Variants in SNX7 observed in about 807,000 individuals in gnomAD.
SNX7 encodes the protein sorting nexin-7.
A neutral mutation model predicts 48.4 loss-of-function variants in SNX7; 35 were observed. That is an observed-to-expected ratio of 0.72 (90% CI 0.55 to 0.96). SNX7 has a LOEUF of 0.96. SNX7 is among the 40% of genes least tolerant of loss of function. SNX7 has a pLI of 0.00. For synonymous variants in SNX7, 190 were observed against 190.2 expected, an observed-to-expected ratio of 1.00 and a Z score of 0.01; for missense variants, 553 against 548.9, an observed-to-expected ratio of 1.01 and a Z score of -0.07.
At chr1:98,733,377 C>A (rs1653615515) in intron 7 of SNX7, among the ~76,000 whole-genome samples, 2 of 152,120 alleles carry the variant, frequency 1.3e-5, no homozygotes, top group African/African-American at 2.4e-5. Context: ...GGAGTCTGAT[C>A]TTTACCACTG....
rs1462864805 is a variant in SNX7, at chr1:98,691,075, A to G, written c.364A>G (p.Thr122Ala). Residue 122 changes from threonine (T) to alanine (A), a missense_variant and splice_region_variant, in exon 3 of 9, where the codon ACA becomes GCA. By Grantham distance (58) the Thr-to-Ala change is moderately conservative. Transcript: ENST00000306121. ...TGTTATTTTCTCTTACTTTCTTCAG[A>G]CATCTCGTGGGGAATTTGACTCCAG... ...TFITYRIITK[T>A]SRGEFDSSEF... is the part of the protein sequence containing the mutation. 1 of 1,597,454 alleles carries G rather than the reference A, an allele frequency of 6.3e-7. No individual in the cohort carries two copies. The highest frequency in any genetic ancestry group is 8.6e-7 in the Non-Finnish European group (1 of 1,168,832).
intron 1 of SNX7, among the ~76,000 whole-genome samples, chr1:98,682,726 G>C (rs1274430731): frequency 6.6e-6 from 1 of 152,112 alleles, no homozygotes; most frequent in Non-Finnish European, 1.5e-5. Context: ...CTAGTGTTAT[G>C]AAATGTCATG....
At chr1:98,724,446 GTTA>G (rs1653061376) in intron 7 of SNX7, among the ~76,000 whole-genome samples, 1 of 151,636 alleles carries the variant, frequency 6.6e-6, no homozygotes. Flanking sequence ...GTATGAGAAT[GTTA>G]TTATTTGTTA....
intron 8 of SNX7, among the ~76,000 whole-genome samples, chr1:98,741,018 C>T (rs1370592530): frequency 6.6e-6 from 1 of 152,078 alleles, no homozygotes; most frequent in Admixed American, 6.6e-5. Flanking sequence ...GGATTCTTAG[C>T]AGAAAGATTA....
chr1:98,671,428 CAT>C (rs1282646504), intron 1 of SNX7, among the ~76,000 whole-genome samples: 1 of 152,110 alleles, frequency 6.6e-6, no homozygotes, highest in Non-Finnish European at 1.5e-5. Flanking sequence ...TGTGTTAAAA[CAT>C]AGGGTTAAAC....
chr1:98,710,514 A>G (rs1048191585), intron 7 of SNX7, among the ~76,000 whole-genome samples: 1 of 152,140 alleles, frequency 6.6e-6, no homozygotes, highest in Non-Finnish European at 1.5e-5. Flanking sequence ...TTAAAATTCC[A>G]GTCATTTCTT....
chr1:98,692,549 T>A (rs756722438), intron 4 of SNX7, among the ~76,000 whole-genome samples: 6 of 151,820 alleles, frequency 4.0e-5, no homozygotes, highest in Non-Finnish European at 7.4e-5. Context: ...CTAAACACAA[T>A]AAAAAAAATA....
At chr1:98,736,577 T>A (rs574124169) in intron 7 of SNX7, among the ~76,000 whole-genome samples, 171 of 152,304 alleles carry the variant, frequency 1.1e-3, no homozygotes, top group Non-Finnish European at 2.1e-3. Context: ...GTATTCTCGC[T>A]GATATAGTTT....
intron 8 of SNX7, among the ~76,000 whole-genome samples, chr1:98,739,875 G>C (rs1324304045): frequency 6.6e-6 from 1 of 152,168 alleles, no homozygotes; most frequent in African/African-American, 2.4e-5. Context: ...AGGGAAATGG[G>C]AGCCATTGAG....
intron 8 of SNX7, among the ~76,000 whole-genome samples, chr1:98,742,690 A>C (rs1488360687): frequency 6.6e-6 from 1 of 152,110 alleles, no homozygotes; most frequent in East Asian, 1.9e-4. Flanking sequence ...ACACAAATGT[A>C]TGATGAGGAT....
chr1:98,716,309 TCCCTACTCTAGG>T (rs1185395710), intron 7 of SNX7, among the ~76,000 whole-genome samples: 1 of 152,098 alleles, frequency 6.6e-6, no homozygotes, highest in Non-Finnish European at 1.5e-5. Flanking sequence ...GGGCAGTTAC[TCCCTACTCTAGG>T]CCACTGTTTG....
At chr1:98,711,310 A>G (rs1652294302) in intron 7 of SNX7, among the ~76,000 whole-genome samples, 1 of 152,162 alleles carries the variant, frequency 6.6e-6, no homozygotes, top group Admixed American at 6.5e-5. Context: ...GGCCTAAAGT[A>G]TAAATAGTTT....
chr1:98,682,947 A>G (rs1483655700), intron 1 of SNX7, among the ~76,000 whole-genome samples: 2 of 152,132 alleles, frequency 1.3e-5, no homozygotes, highest in Non-Finnish European at 1.5e-5. Context: ...ATAGTAGGAC[A>G]GTTCTTGAGC....
At chr1:98,742,357 G>A (rs978353002) in intron 8 of SNX7, among the ~76,000 whole-genome samples, 1 of 152,038 alleles carries the variant, frequency 6.6e-6, no homozygotes, top group East Asian at 1.9e-4. Flanking sequence ...ATCCGGCCCT[G>A]CTCTATATCT....
At chr1:98,662,176 C>A in intron 1 of SNX7, 1 of 334,322 alleles carries the variant, frequency 3.0e-6, no homozygotes, top group Non-Finnish European at 5.4e-6. Flanking sequence ...TTAGTGGAGT[C>A]TGCAAAGTTG....
intron 8 of SNX7, among the ~76,000 whole-genome samples, chr1:98,748,524 A>G (rs1426397501): frequency 6.6e-6 from 1 of 151,982 alleles, no homozygotes. Flanking sequence ...TAATTTCTAA[A>G]AATGTCTAGT....
chr1:98,752,600 C>G (rs1654642655), intron 8 of SNX7, among the ~76,000 whole-genome samples: 1 of 151,918 alleles, frequency 6.6e-6, no homozygotes, highest in Non-Finnish European at 1.5e-5. Flanking sequence ...ACCAAGATAT[C>G]AGTTGGTTAG....
intron 7 of SNX7, among the ~76,000 whole-genome samples, chr1:98,725,319 A>G (rs1653106469): frequency 1.3e-5 from 2 of 152,218 alleles, no homozygotes; most frequent in African/African-American, 2.4e-5. Flanking sequence ...TGAGAAAAAC[A>G]TGTTAAAGCA....
At chr1:98,713,296 A>G (rs765191819) in intron 7 of SNX7, among the ~76,000 whole-genome samples, 2 of 152,080 alleles carry the variant, frequency 1.3e-5, no homozygotes, top group Non-Finnish European at 2.9e-5. Context: ...AGCTTCAAAC[A>G]TTTCCTCTCC....
Sources: allele counts gnomAD v4.1 joint callset (sites outside exome capture counted in the v4.1 genomes callset), GRCh38; gene constraint gnomAD v4.1.1; transcripts MANE v1.5; gene names NCBI Gene and HGNC (gene_info 2026-07-23, HGNC 2026-07-21).